Variants in ATP11A observed in about 807,000 individuals in gnomAD.
ATP11A encodes phospholipid-transporting ATPase IH.
A neutral mutation model predicts 154.4 loss-of-function variants in ATP11A; 81 were observed. That is an observed-to-expected ratio of 0.52 (90% CI 0.44 to 0.63). The LOEUF (loss-of-function observed/expected upper bound fraction) is 0.63. ATP11A is among the 30% of genes least tolerant of loss of function. The pLI is 0.00. For missense variants in ATP11A, 1,316 were observed against 1,474.3 expected (o/e 0.89, Z 1.76); for synonymous variants, 623 against 585.9 (o/e 1.06, Z -0.91).
chr13:112,701,982 C>A (rs932457372), intron 1 of ATP11A, among the ~76,000 whole-genome samples: 1 of 152,064 alleles, frequency 6.6e-6, no homozygotes, highest in Non-Finnish European at 1.5e-5. Flanking sequence ...CACACACATG[C>A]CTGAGGAGAT....
In ATP11A at chr13:112,819,179, A is replaced by G. The variant is rs1174727715; in HGVS notation, c.571-125A>G. 4 of 769,004 alleles carry G rather than the reference A, an allele frequency of 5.2e-6. No homozygotes were observed. The East Asian group carries it at 9.9e-5, about 19-fold the overall frequency. 47.6% of individuals were successfully genotyped at this position (769,004 alleles called of 1,614,324 possible). ...TAACAGTAGTACCTTATCTTTCTGT[A>G]ACTATTAAACATTTACAAACTCATA... is the stretch of plus-strand genomic sequence containing the variant. On this transcript the variant is annotated intron_variant, in intron 6 of 29. Transcript: ENST00000375645.
At chr13:112,870,398 G>A (rs368729101) in intron 25 of ATP11A, among the ~76,000 whole-genome samples, 1 of 152,152 alleles carries the variant, frequency 6.6e-6, no homozygotes. Flanking sequence ...CTTTTTAAGA[G>A]ACAGAGTCTG....
intron 25 of ATP11A, among the ~76,000 whole-genome samples, chr13:112,866,495 G>A (rs1435794957): frequency 2.0e-5 from 3 of 151,412 alleles, no homozygotes; most frequent in Non-Finnish European, 4.4e-5. Context: ...GAGGCCCGGT[G>A]GGGCCCTGTG....
chr13:112,725,939 T>G (rs1399771347), intron 1 of ATP11A, among the ~76,000 whole-genome samples: 3 of 152,228 alleles, frequency 2.0e-5, no homozygotes, highest in Non-Finnish European at 2.9e-5. Flanking sequence ...CAGAGCAAGG[T>G]GCTGGGGAGG....
chr13:112,787,057 C>A (rs1346088777), intron 2 of ATP11A, among the ~76,000 whole-genome samples: 2 of 147,094 alleles, frequency 1.4e-5, no homozygotes, highest in Non-Finnish European at 3.0e-5. Flanking sequence ...ACTTAATTCA[C>A]ACCGGGTGTC....
chr13:112,736,208 A>T (rs139911971), intron 1 of ATP11A, among the ~76,000 whole-genome samples: 5 of 152,288 alleles, frequency 3.3e-5, no homozygotes, highest in Non-Finnish European at 7.3e-5. Flanking sequence ...ATCACTTAGC[A>T]CATGTTTTAA....
At chr13:112,792,414 G>A (rs1321707599) in intron 2 of ATP11A, among the ~76,000 whole-genome samples, 1 of 152,130 alleles carries the variant, frequency 6.6e-6, no homozygotes, top group African/African-American at 2.4e-5. Context: ...TGTTTTCCTG[G>A]GGTGGCGGAG....
intron 1 of ATP11A, among the ~76,000 whole-genome samples, chr13:112,764,877 T>C (rs422046): frequency 0.22 from 33,518 of 152,088 alleles, 5,044 homozygotes; most frequent in African/African-American, 0.43. Context: ...CCTCTGACCA[T>C]GAGCCAACCT....
chr13:112,725,156 A>T (rs954887681), intron 1 of ATP11A, among the ~76,000 whole-genome samples: 13 of 152,172 alleles, frequency 8.5e-5, no homozygotes, highest in Non-Finnish European at 1.5e-4. Context: ...CACAAGAGAC[A>T]CTGCAAACCC....
chr13:112,874,073 C>T (rs571472989), intron 27 of ATP11A, among the ~76,000 whole-genome samples: 99 of 152,258 alleles, frequency 6.5e-4, no homozygotes, highest in Non-Finnish European at 1.0e-3. Flanking sequence ...CCTCCCACAA[C>T]GAGGCACTGG....
intron 1 of ATP11A, among the ~76,000 whole-genome samples, chr13:112,783,881 C>T (rs2077558872): frequency 2.6e-5 from 4 of 152,202 alleles, no homozygotes; most frequent in African/African-American, 9.7e-5. Context: ...CCTCCAAATA[C>T]AGTGTTCCGA....
At position 112,851,228 on chromosome 13, in the gene ATP11A, A is replaced by T. The variant is rs1287029572; in HGVS notation, c.1991+10A>T. On this transcript the variant is annotated intron_variant, in intron 18 of 29. Transcript: ENST00000375645. The stretch of plus-strand genomic sequence containing the variant: ...CAGCTGTTGAGGACCGGTAAAGTAA[A>T]CGCATGCATCCCGTCCTGAGAGACA... 10 of 1,609,540 alleles carry T rather than the reference A, an allele frequency of 6.2e-6. No homozygotes were observed. The highest frequency in any genetic ancestry group is 3.3e-5 in the Admixed American group (2 of 59,872).
intron 18 of ATP11A, among the ~76,000 whole-genome samples, chr13:112,852,582 C>T (rs1028646776): frequency 6.6e-6 from 1 of 152,188 alleles, no homozygotes; most frequent in South Asian, 2.1e-4. Context: ...GCCAGTCACT[C>T]ACCTGCTGTC....
intron 1 of ATP11A, among the ~76,000 whole-genome samples, chr13:112,742,588 T>TAGGTTTTCCC (rs747490098): frequency 6.6e-6 from 1 of 152,214 alleles, no homozygotes; most frequent in African/African-American, 2.4e-5. Flanking sequence ...TGATGCCACT[T>TAGGTTTTCCC]ACGATAATTC....
At chr13:112,691,097 G>A (rs549878909) in intron 1 of ATP11A, among the ~76,000 whole-genome samples, 1 of 152,308 alleles carries the variant, frequency 6.6e-6, no homozygotes, top group South Asian at 2.1e-4. Flanking sequence ...CAGGAGGGAA[G>A]ACTCGGAAGG....
At chr13:112,833,809 C>G (rs371790751) in intron 14 of ATP11A, among the ~76,000 whole-genome samples, 2 of 152,210 alleles carry the variant, frequency 1.3e-5, no homozygotes, top group East Asian at 3.9e-4. Flanking sequence ...TCTTGAAACA[C>G]AAGTGCCCAG....
At position 112,690,161 on chromosome 13, in the gene ATP11A, A is replaced by AGC. The variant is rs1418459023; in HGVS notation, c.-244_-243dup. 5.1e-4 allele frequency among the ~76,000 whole-genome samples: 75 copies of AGC among 147,568 alleles called. No homozygotes were observed. In the East Asian group the frequency reaches 5.8e-3, roughly 11 times the overall value. On this transcript the variant is annotated 5_prime_UTR_variant, in exon 1 of 30. Coordinates refer to ENST00000375645, the MANE Select transcript of ATP11A (RefSeq NM_015205.3). This position sits in a 1 kb window ranked among gnomAD's most constrained non-coding sequence, Gnocchi z 5.6. ...CCGACGGGGAGAGAGAAGGCGCCAG[A>AGC]GCGCGCGCGCGCGGCCCCGAGCAGC...
intron 8 of ATP11A, among the ~76,000 whole-genome samples, chr13:112,821,959 G>A (rs1172842563): frequency 6.6e-6 from 1 of 152,114 alleles, no homozygotes; most frequent in Non-Finnish European, 1.5e-5. Context: ...TGCCGGGGAG[G>A]ACGCGCGTGG....
chr13:112,833,046 G>A, intron 14 of ATP11A, 23 bp downstream of exon 14: 2 of 1,599,274 alleles, frequency 1.3e-6, no homozygotes, highest in Non-Finnish European at 1.7e-6. Context: ...CCAAGGGTCT[G>A]CCTGGGTTTC....
Sources: gnomAD v4.1 joint callset for allele counts (sites outside exome capture counted in the v4.1 genomes callset) on GRCh38, gnomAD v4.1.1 for gene constraint, Gnocchi (gnomAD v3.1) non-coding constraint, MANE v1.5 for transcripts, NCBI Gene and HGNC (gene_info 2026-07-23, HGNC 2026-07-21) for gene names.